GLI3: variants seen among roughly 807,000 people sequenced by gnomAD.
GLI3 encodes the protein GLI family zinc finger 3.
A neutral mutation model predicts 100.8 loss-of-function variants in GLI3; 20 were observed. That is an observed-to-expected ratio of 0.20 (90% CI 0.14 to 0.29). The LOEUF is 0.29. GLI3 is among the 10% of genes least tolerant of loss of function. The pLI is 1.00. For synonymous variants in GLI3, 938 were observed against 860.5 expected (o/e 1.09, Z -1.58); for missense variants, 2,040 against 2,128.5 (o/e 0.96, Z 0.82).
intron 1 of GLI3, among the ~76,000 whole-genome samples, chr7:42,226,024 T>C (rs1318167907): frequency 6.6e-6 from 1 of 152,218 alleles, no homozygotes; most frequent in African/African-American, 2.4e-5. Flanking sequence ...GCTACATACA[T>C]TTTCTTTTCA....
intron 3 of GLI3, among the ~76,000 whole-genome samples, chr7:42,098,348 C>A (rs1057112644): frequency 6.6e-6 from 1 of 152,062 alleles, no homozygotes; most frequent in Non-Finnish European, 1.5e-5. Flanking sequence ...ACATTTTAGC[C>A]CCATGTCAGC....
At chr7:42,185,822 T>C (rs1218982275) in intron 2 of GLI3, among the ~76,000 whole-genome samples, 2 of 152,132 alleles carry the variant, frequency 1.3e-5, no homozygotes, top group African/African-American at 4.8e-5. Context: ...CTTTCCTGGG[T>C]TGACCATTTA....
At chr7:42,130,871 T>G (rs989376507) in intron 3 of GLI3, among the ~76,000 whole-genome samples, 5 of 152,138 alleles carry the variant, frequency 3.3e-5, no homozygotes, top group Admixed American at 2.6e-4. Context: ...TCCCAAAAGT[T>G]TCCAGGAAGG....
In GLI3 at chr7:42,089,590, C is replaced by A. The variant is rs1282156702; in HGVS notation, c.368-12733G>T. On this transcript the variant is annotated intron_variant, in intron 3 of 14. Transcript: ENST00000395925. Reference sequence around the variant, plus strand: ...CAAATACTCAGCACACTGAATGATGCATGCTGCAACCCTTGGCTGGGTACA... The same window carrying A: ...CAAATACTCAGCACACTGAATGATGAATGCTGCAACCCTTGGCTGGGTACA... 2.4e-4 allele frequency among the ~76,000 whole-genome samples: 36 copies of A among 152,214 alleles called. 1 individual carries two copies. The highest frequency in any genetic ancestry group is 2.3e-3 in the Admixed American group (35 of 15,290).
chr7:42,006,527 T>C (rs547845417), intron 10 of GLI3, among the ~76,000 whole-genome samples: 54 of 152,334 alleles, frequency 3.5e-4, no homozygotes, highest in African/African-American at 1.3e-3. Flanking sequence ...GAGCTTGGCT[T>C]ACAGCTTCTA....
chr7:42,126,744 C>T (rs1786142382), intron 3 of GLI3, among the ~76,000 whole-genome samples: 2 of 152,178 alleles, frequency 1.3e-5, no homozygotes, highest in African/African-American at 4.8e-5. Flanking sequence ...TTAAAATTTT[C>T]AGAAAAGTAT....
chr7:42,210,512 G>C (rs1182164888), intron 2 of GLI3, among the ~76,000 whole-genome samples: 1 of 151,914 alleles, frequency 6.6e-6, no homozygotes, highest in Non-Finnish European at 1.5e-5. Flanking sequence ...TGAATACCAG[G>C]GATCTAGTCT....
At chr7:42,157,908 C>T (rs1185515311) in intron 2 of GLI3, among the ~76,000 whole-genome samples, 3 of 152,084 alleles carry the variant, frequency 2.0e-5, no homozygotes, top group South Asian at 2.1e-4. Flanking sequence ...TAACACCCCC[C>T]GCTGGTATAG....
chr7:42,222,988 C>A, intron 2 of GLI3, 142 bp downstream of exon 2: 1 of 908,842 alleles, frequency 1.1e-6, no homozygotes, highest in Middle Eastern at 3.4e-4. Flanking sequence ...CCCCCGCCGT[C>A]CCCCCGCCCC....
intron 2 of GLI3, among the ~76,000 whole-genome samples, chr7:42,168,807 A>G (rs944855698): frequency 6.6e-6 from 1 of 152,068 alleles, no homozygotes; most frequent in African/African-American, 2.4e-5. Flanking sequence ...GGTCCCAGCT[A>G]CTCGGGAGGC....
intron 11 of GLI3, 164 bp from the exon 12 acceptor site, chr7:41,977,886 T>G (rs1787551513): frequency 1.5e-6 from 1 of 682,130 alleles, no homozygotes; most frequent in Non-Finnish European, 2.6e-6. Context: ...GGGATTCAGA[T>G]GTAGCTTGGT....
rs373183707 is a variant in GLI3, at chr7:42,155,395, C to T, written c.125-6927G>A. Among the ~76,000 whole-genome samples, 336 of 150,974 alleles carry T rather than the reference C, an allele frequency of 2.2e-3. 1 individual carries two copies. Among genetic ancestry groups the T allele is most frequent in the African/African-American group, 6.6e-3 (271 of 41,026 alleles). On this transcript the variant is annotated intron_variant, in intron 2 of 14. Transcript: ENST00000395925. Reference sequence around the variant, plus strand: ...CGGAGGTTGCAGTGAGCCAAGATCACGCCATTGCACTCCAGCCTGGACAAC... The same window carrying T: ...CGGAGGTTGCAGTGAGCCAAGATCATGCCATTGCACTCCAGCCTGGACAAC...
intron 1 of GLI3, among the ~76,000 whole-genome samples, chr7:42,258,478 C>T (rs1277344291): frequency 6.6e-6 from 1 of 152,142 alleles, no homozygotes; most frequent in Non-Finnish European, 1.5e-5. Context: ...CCATGAGTTA[C>T]TGTATTCTCT....
intron 1 of GLI3, among the ~76,000 whole-genome samples, chr7:42,256,888 T>C (rs1789090298): frequency 6.6e-6 from 1 of 152,238 alleles, no homozygotes; most frequent in Non-Finnish European, 1.5e-5. Flanking sequence ...ATATTATTTT[T>C]GAGTCTTCCA....
chr7:42,087,290 G>A (rs1785122643), intron 3 of GLI3, among the ~76,000 whole-genome samples: 1 of 152,146 alleles, frequency 6.6e-6, no homozygotes, highest in Non-Finnish European at 1.5e-5. Context: ...TCCTCCCTGT[G>A]CAGTTTTCTG....
intron 2 of GLI3, among the ~76,000 whole-genome samples, chr7:42,174,665 G>T (rs1787443355): frequency 6.6e-6 from 1 of 152,184 alleles, no homozygotes. Flanking sequence ...ACATTCACAT[G>T]TTCACAGACC....
At chr7:41,976,745 T>C (rs921733580) in intron 12 of GLI3, among the ~76,000 whole-genome samples, 3 of 152,332 alleles carry the variant, frequency 2.0e-5, no homozygotes, top group East Asian at 3.9e-4. Flanking sequence ...GGGAGTCCTT[T>C]TGTTAATCTC....
intron 3 of GLI3, among the ~76,000 whole-genome samples, chr7:42,088,491 C>G (rs1477358290): frequency 2.6e-5 from 4 of 152,178 alleles, no homozygotes; most frequent in African/African-American, 9.6e-5. Context: ...TTCAGACTAT[C>G]TCTGACCGTC....
chr7:42,219,024 A>C (rs774843007), intron 2 of GLI3, among the ~76,000 whole-genome samples: 2 of 152,196 alleles, frequency 1.3e-5, no homozygotes, highest in African/African-American at 2.4e-5. Context: ...GATGAAAAAA[A>C]CTCTTATTAT....
Sources: allele counts gnomAD v4.1 joint callset (sites outside exome capture counted in the v4.1 genomes callset), GRCh38; gene constraint gnomAD v4.1.1; transcripts MANE v1.5; gene names NCBI Gene and HGNC (gene_info 2026-07-23, HGNC 2026-07-21).